Variants in SLC4A4 observed in about 807,000 individuals in gnomAD.
The protein encoded by SLC4A4 is electrogenic sodium bicarbonate cotransporter 1.
In SLC4A4, 27 loss-of-function variants were observed where a neutral mutation model predicts 111.5. That is an observed-to-expected ratio of 0.24 (90% CI 0.18 to 0.33). The LOEUF (loss-of-function observed/expected upper bound fraction) is 0.33, where lower values mean the gene tolerates loss of function less well. Ranked by LOEUF, SLC4A4 falls within the 10% of genes least tolerant of loss-of-function variation. The pLI, the probability that SLC4A4 is intolerant of heterozygous loss-of-function variation, is 1.00. For missense variants in SLC4A4, 909 were observed against 1,315.5 expected (o/e 0.69, Z 4.78); for synonymous variants, 443 against 463.4 (o/e 0.96, Z 0.57).
At chr4:71,113,933 C>T (rs558577959) in intron 2 of SLC4A4, among the ~76,000 whole-genome samples, 5 of 152,244 alleles carry the variant, frequency 3.3e-5, no homozygotes, top group Admixed American at 6.5e-5. Flanking sequence ...TATTAGCAGA[C>T]TAAATCCAAT....
At chr4:71,320,003 G>A (rs1726993261) in intron 3 of SLC4A4, among the ~76,000 whole-genome samples, 1 of 151,868 alleles carries the variant, frequency 6.6e-6, no homozygotes, top group African/African-American at 2.4e-5. Flanking sequence ...TGAATGTGAC[G>A]AAGATCCATT....
rs1560595474 is a variant in SLC4A4 at position 71,534,285 on chromosome 4, T to C, written c.2339T>C (p.Val780Ala). Residue 780 changes from valine (V) to alanine (A), a missense_variant, in exon 18 of 26, where the codon GTG becomes GCG. Physicochemically the swap from Val to Ala is moderately conservative, Grantham distance 64. Around this residue, in one of 7 missense-constraint regions of SLC4A4, gnomAD observed 264 missense variants for 356.8 expected, o/e 0.74. Coordinates refer to ENST00000264485, the MANE Select transcript of SLC4A4 (RefSeq NM_001098484.3). ...VPPFGENPWW[V>A]CLAAAIPALL... ...CCGTTTGGAGAAAACCCCTGGTGGG[T>C]GTGCCTTGCTGCTGCTATCCCGGCT... 1 of 1,613,710 alleles carries C rather than the reference T, an allele frequency of 6.2e-7. No homozygotes were observed. Among genetic ancestry groups the C allele is most frequent in the Non-Finnish European group, 8.5e-7 (1 of 1,179,790 alleles).
At chr4:71,293,110 GGATTACAGGCGT>G (rs1337350508) in intron 3 of SLC4A4, among the ~76,000 whole-genome samples, 1 of 150,282 alleles carries the variant, frequency 6.7e-6, no homozygotes, top group Non-Finnish European at 1.5e-5. Flanking sequence ...CAAAGTGCTG[GGATTACAGGCGT>G]GAGCCACCGC....
intron 2 of SLC4A4, among the ~76,000 whole-genome samples, chr4:71,147,434 G>T (rs1744206293): frequency 6.6e-6 from 1 of 152,090 alleles, no homozygotes; most frequent in African/African-American, 2.4e-5. Context: ...CAGTCAGAGA[G>T]ATGAATTCCA....
intron 3 of SLC4A4, among the ~76,000 whole-genome samples, chr4:71,305,726 G>T (rs1420077401): frequency 1.3e-5 from 2 of 152,218 alleles, no homozygotes; most frequent in Non-Finnish European, 2.9e-5. Flanking sequence ...ACAGCAGTGT[G>T]TCCAGGCACA....
chr4:71,397,760 G>A (rs572201083), intron 7 of SLC4A4, 107 bp downstream of exon 7: 15 of 964,184 alleles, frequency 1.6e-5, no homozygotes, highest in Admixed American at 3.6e-5. Flanking sequence ...GGACCTTTAC[G>A]TGCAGACAAC....
chr4:71,091,253 ATTT>A (rs3065802), intron 1 of SLC4A4, among the ~76,000 whole-genome samples: 12 of 125,490 alleles, frequency 9.6e-5, no homozygotes, highest in Non-Finnish European at 8.5e-5. Context: ...TGGCCTTGAA[ATTT>A]TTTTTTTTTT....
chr4:71,066,293 A>G (rs1249208372), intron 1 of SLC4A4, among the ~76,000 whole-genome samples: 2 of 152,100 alleles, frequency 1.3e-5, no homozygotes, highest in Non-Finnish European at 2.9e-5. Flanking sequence ...CATACCTTAC[A>G]TTTGTATACG....
At chr4:71,102,608 C>T (rs573522285) in intron 2 of SLC4A4, among the ~76,000 whole-genome samples, 2 of 151,940 alleles carry the variant, frequency 1.3e-5, no homozygotes, top group East Asian at 3.9e-4. Flanking sequence ...AGAGTGGGGG[C>T]CAATATTCAA....
At chr4:71,101,115 C>T (rs1466910715) in intron 2 of SLC4A4, among the ~76,000 whole-genome samples, 1 of 151,904 alleles carries the variant, frequency 6.6e-6, no homozygotes, top group African/African-American at 2.4e-5. Context: ...AAAAATTAGC[C>T]AGGCATGGTG....
rs761331086 is a variant in SLC4A4 at position 71,311,890 on chromosome 4, T to TGAGAGAGAGAGAGAGA, written c.254-27451_254-27436dup. On this transcript the variant is annotated intron_variant, in intron 3 of 25. Coordinates refer to ENST00000264485, the MANE Select transcript of SLC4A4 (RefSeq NM_001098484.3). ...GAGCCTGAGCAAATGTGCAAGGCTG[T>TGAGAGAGAGAGAGAGA]GAGAGAGAGAGAGAGAGAGAGAGAG... Among the ~76,000 whole-genome samples the TGAGAGAGAGAGAGAGA allele has an allele frequency of 3.4e-3, 260 of 76,566 alleles. 10 individuals carry two copies. Among genetic ancestry groups the TGAGAGAGAGAGAGAGA allele is most frequent in the Non-Finnish European group, 4.0e-3 (153 of 37,982 alleles). The allele number at this position is 76,566 out of a possible 152,430, so 50.2% of individuals were successfully genotyped here. A position where few individuals can be genotyped will look rare whatever the true frequency, so the allele number is the denominator to read the frequency against.
intron 15 of SLC4A4, among the ~76,000 whole-genome samples, chr4:71,497,220 G>A (rs1181076889): frequency 2.0e-5 from 3 of 152,090 alleles, no homozygotes; most frequent in African/African-American, 7.2e-5. Context: ...CAGGAAAGAA[G>A]TACTTTGTGG....
intron 7 of SLC4A4, among the ~76,000 whole-genome samples, chr4:71,421,366 G>A (rs1397123300): frequency 6.6e-6 from 1 of 152,106 alleles, no homozygotes; most frequent in African/African-American, 2.4e-5. Context: ...AAGAGACTGA[G>A]ACTCCCACAC....
intron 2 of SLC4A4, among the ~76,000 whole-genome samples, chr4:71,249,472 A>G (rs1324427115): frequency 2.0e-5 from 3 of 151,978 alleles, no homozygotes; most frequent in South Asian, 4.1e-4. Flanking sequence ...GTGCTTTTTG[A>G]AGGGGGTTTT....
At chr4:71,082,326 G>A (rs1404161596) in intron 1 of SLC4A4, among the ~76,000 whole-genome samples, 1 of 144,044 alleles carries the variant, frequency 6.9e-6, no homozygotes, top group Admixed American at 6.8e-5. Flanking sequence ...CACGTTATTT[G>A]CAAATAACTG....
intron 2 of SLC4A4, among the ~76,000 whole-genome samples, chr4:71,172,316 C>T (rs573324198): frequency 6.7e-6 from 1 of 149,312 alleles, no homozygotes; most frequent in Non-Finnish European, 1.5e-5. Context: ...AGTGCAGTGG[C>T]GTGATCTTGG....
chr4:71,063,222 C>T (rs559304148), intron 1 of SLC4A4, among the ~76,000 whole-genome samples: 5 of 152,266 alleles, frequency 3.3e-5, no homozygotes, highest in South Asian at 2.1e-4. Context: ...TCATTTTAAA[C>T]GAGCATACAT....
At chr4:71,180,174 T>A (rs1261602362) in intron 2 of SLC4A4, among the ~76,000 whole-genome samples, 1 of 152,184 alleles carries the variant, frequency 6.6e-6, no homozygotes, top group Non-Finnish European at 1.5e-5. Flanking sequence ...CAGGATCCCT[T>A]CCTTACACCT....
intron 3 of SLC4A4, among the ~76,000 whole-genome samples, chr4:71,285,945 G>A (rs919723051): frequency 2.6e-5 from 4 of 152,100 alleles, no homozygotes; most frequent in African/African-American, 9.7e-5. Context: ...CTTGTTAAAA[G>A]TTCAGATTTC....
Sources: gnomAD v4.1 joint callset for allele counts (sites outside exome capture counted in the v4.1 genomes callset) on GRCh38, gnomAD v4.1.1 for gene constraint, gnomAD v4.1.1 regional missense constraint, MANE v1.5 for transcripts, NCBI Gene and HGNC (gene_info 2026-07-23, HGNC 2026-07-21) for gene names.